SH2D4B: variants seen among roughly 807,000 people sequenced by gnomAD.
SH2D4B encodes the protein SH2 domain containing 4B, also known as SH2 domain-containing protein 4B.
Under a neutral mutation model 61.5 loss-of-function variants are expected in SH2D4B, and 45 were observed. The ratio of observed to expected loss-of-function variants is 0.73; its 90% CI spans 0.58 to 0.94. The LOEUF is 0.94. SH2D4B is among the 40% of genes least tolerant of loss of function. The pLI is 0.00. For missense variants in SH2D4B, 572 were observed against 574.2 expected (o/e 1.00, Z 0.04); for synonymous variants, 224 against 220.4 (o/e 1.02, Z -0.14).
chr10:80,625,567 C>A (rs1489102277), intron 6 of SH2D4B, among the ~76,000 whole-genome samples: 1 of 142,538 alleles, frequency 7.0e-6, no homozygotes, highest in African/African-American at 2.8e-5. Flanking sequence ...AATTTTTTTT[C>A]TTTTTCTTTT....
intron 1 of SH2D4B, among the ~76,000 whole-genome samples, chr10:80,558,075 AT>A (rs961231153): frequency 4.7e-5 from 7 of 150,360 alleles, no homozygotes; most frequent in Non-Finnish European, 5.9e-5. Flanking sequence ...TCACCTTGTG[AT>A]TTTTTTTTTA....
In SH2D4B at chr10:80,642,967, C is replaced by A. The variant is rs188227293; in HGVS notation, c.1210-1026C>A. On this transcript the variant is annotated intron_variant, in intron 7 of 7. Coordinates refer to ENST00000646907, the MANE Select transcript of SH2D4B (RefSeq NM_001388272.1). Reference sequence around the variant, plus strand: ...CATTTTTCTCCATCAGATGGGCAGACAATCTACTGTGGTTTAGTTTGCATT... The same window carrying A: ...CATTTTTCTCCATCAGATGGGCAGAAAATCTACTGTGGTTTAGTTTGCATT... 2.0e-5 allele frequency: 3 copies of A among 152,768 alleles called. No homozygotes were observed. In the East Asian group the frequency reaches 5.8e-4, roughly 29 times the overall value. 9.5% of individuals were successfully genotyped at this position (152,768 alleles called of 1,614,324 possible). A position where few individuals can be genotyped will look rare whatever the true frequency, so the allele number is the denominator to read the frequency against.
chr10:80,590,189 AGGCTTC>A (rs1842310552), intron 4 of SH2D4B, among the ~76,000 whole-genome samples: 1 of 152,142 alleles, frequency 6.6e-6, no homozygotes, highest in Non-Finnish European at 1.5e-5. Context: ...CAGGCTAGGC[AGGCTTC>A]GGATTGGCCA....
At chr10:80,550,584 A>G (rs1267381394) in intron 1 of SH2D4B, among the ~76,000 whole-genome samples, 2 of 152,088 alleles carry the variant, frequency 1.3e-5, no homozygotes, top group Non-Finnish European at 2.9e-5. Context: ...ACAGAGTGAG[A>G]TTCCGTCTCA....
chr10:80,619,664 G>A (rs1842696708), intron 6 of SH2D4B, among the ~76,000 whole-genome samples: 1 of 152,242 alleles, frequency 6.6e-6, no homozygotes, highest in African/African-American at 2.4e-5. Flanking sequence ...TCCTGGGATT[G>A]TTTCACTTAA....
rs1842562039 is a variant in SH2D4B at position 80,609,279 on chromosome 10, C to G, written c.861-145C>G. The G allele has an allele frequency of 7.0e-6, 5 of 717,780 alleles. No individual in the cohort carries two copies. The South Asian group carries it at 9.6e-5, about 14-fold the overall frequency. 44.5% of individuals were successfully genotyped at this position (717,780 alleles called of 1,614,324 possible). A position where few individuals can be genotyped will look rare whatever the true frequency, so the allele number is the denominator to read the frequency against. On this transcript the variant is annotated intron_variant, in intron 5 of 7. Transcript: ENST00000646907. Reference sequence around the variant, plus strand: ...TTAGCATATTCATTCTCTCATGGCCCTCCCCTGCCCCTTCTTCCACCCCCC... The same window carrying G: ...TTAGCATATTCATTCTCTCATGGCCGTCCCCTGCCCCTTCTTCCACCCCCC...
chr10:80,580,415 G>A (rs1221251549), intron 3 of SH2D4B, among the ~76,000 whole-genome samples: 1 of 152,192 alleles, frequency 6.6e-6, no homozygotes, highest in Admixed American at 6.5e-5. Context: ...GAACTACTCT[G>A]TGGTCGGTGG....
intron 5 of SH2D4B, among the ~76,000 whole-genome samples, chr10:80,605,516 ATCT>A (rs1390767116): frequency 1.3e-5 from 2 of 152,018 alleles, no homozygotes; most frequent in Non-Finnish European, 1.5e-5. Flanking sequence ...TTTCTTTTAT[ATCT>A]TCTTTTTTGT....
At chr10:80,540,632 C>T (rs558216480) in intron 1 of SH2D4B, among the ~76,000 whole-genome samples, 61 of 152,274 alleles carry the variant, frequency 4.0e-4, no homozygotes, top group African/African-American at 1.3e-3. Flanking sequence ...CTTCCAAACT[C>T]GGAACTCCAA....
At chr10:80,569,596 G>T (rs1019001562) in intron 1 of SH2D4B, among the ~76,000 whole-genome samples, 1 of 151,918 alleles carries the variant, frequency 6.6e-6, no homozygotes, top group Admixed American at 6.6e-5. Context: ...CATCTGGGTG[G>T]CAGCGAGGGT....
chr10:80,636,472 T>A (rs573994568), intron 7 of SH2D4B, among the ~76,000 whole-genome samples: 2 of 152,244 alleles, frequency 1.3e-5, no homozygotes, highest in Non-Finnish European at 2.9e-5. Context: ...GTTTCATGAC[T>A]TTTTAATGAT....
intron 1 of SH2D4B, among the ~76,000 whole-genome samples, chr10:80,569,205 C>T (rs1217521928): frequency 6.6e-6 from 1 of 152,192 alleles, no homozygotes; most frequent in Non-Finnish European, 1.5e-5. Flanking sequence ...CAGGCTGCTT[C>T]ATCTCACACC....
chr10:80,553,462 A>T (rs1018406828), intron 1 of SH2D4B, among the ~76,000 whole-genome samples: 1 of 152,224 alleles, frequency 6.6e-6, no homozygotes, highest in Non-Finnish European at 1.5e-5. Flanking sequence ...GTGTCTCTGT[A>T]TTGAACAAAT....
At chr10:80,640,750 G>T (rs116264537) in intron 7 of SH2D4B, among the ~76,000 whole-genome samples, 4,951 of 152,052 alleles carry the variant, frequency 0.033, 88 homozygotes, top group African/African-American at 0.041. Flanking sequence ...CCTTTAGCTC[G>T]GGGAAATTTA....
chr10:80,608,400 C>T (rs1459650458), intron 5 of SH2D4B, among the ~76,000 whole-genome samples: 1 of 152,168 alleles, frequency 6.6e-6, no homozygotes, highest in Non-Finnish European at 1.5e-5. Context: ...AGCCACCGCG[C>T]CCGGCCCAGA....
intron 6 of SH2D4B, among the ~76,000 whole-genome samples, chr10:80,612,198 T>TTTTTTTTTTTTTTTTC (rs59848195): frequency 8.0e-6 from 1 of 125,206 alleles, no homozygotes; most frequent in Non-Finnish European, 1.6e-5. Context: ...TTTTTTTTTT[T>TTTTTTTTTTTTTTTTC]CAACTTTACT....
intron 1 of SH2D4B, among the ~76,000 whole-genome samples, chr10:80,542,127 A>G (rs1385304257): frequency 6.6e-6 from 1 of 152,120 alleles, no homozygotes; most frequent in Non-Finnish European, 1.5e-5. Context: ...ATGTTATCAC[A>G]TTATGTCCCA....
chr10:80,603,848 C>T, intron 5 of SH2D4B, 53 bp downstream of exon 5: 3 of 1,517,576 alleles, frequency 2.0e-6, no homozygotes, highest in Non-Finnish European at 2.7e-6. Flanking sequence ...TGGATTAGGG[C>T]ATGGGACACC....
Position 80,586,883 on chromosome 10 carries a change from C to T in SH2D4B, c.496-1747C>T, listed in dbSNP as rs183825335. Among the ~76,000 whole-genome samples, 66 of 152,214 alleles carry T rather than the reference C, an allele frequency of 4.3e-4. No homozygotes were observed. In the East Asian group the frequency reaches 0.01, roughly 24 times the overall value. ...GAAGCCAGGGAGACCACGAACCCACCGGGAGGAACGAGCAACTCCAGACGC... is the reference window on the plus strand; with the variant it reads ...GAAGCCAGGGAGACCACGAACCCACTGGGAGGAACGAGCAACTCCAGACGC... On this transcript the variant is annotated intron_variant, in intron 3 of 7. Transcript: ENST00000646907.
Sources: allele counts gnomAD v4.1 joint callset (sites outside exome capture counted in the v4.1 genomes callset), GRCh38; gene constraint gnomAD v4.1.1; transcripts MANE v1.5; gene names NCBI Gene and HGNC (gene_info 2026-07-23, HGNC 2026-07-21).